The following VEPH1 variants were observed in gnomAD, a reference collection of about 807,000 sequenced individuals.
The protein encoded by VEPH1 is ventricular zone-expressed PH domain-containing protein homolog 1.
VEPH1 carries 80 observed loss-of-function variants against 85.2 expected under a neutral mutation model. The ratio of observed to expected loss-of-function variants is 0.94; its 90% confidence interval spans 0.78 to 1.13. VEPH1 has a LOEUF of 1.13. VEPH1 is among the 50% of genes most tolerant of loss of function. The pLI, the probability that VEPH1 is intolerant of heterozygous loss-of-function variation, is 0.00. For synonymous variants in VEPH1, 297 were observed against 348.0 expected (o/e 0.85, Z 1.63); for missense variants, 955 against 980.5 (o/e 0.97, Z 0.35).
rs1477990932 is a variant in VEPH1, at chr3:157,363,498, G to A, written c.1601C>T (p.Pro534Leu). The A allele has an allele frequency of 6.2e-7, 1 of 1,614,036 alleles. No homozygotes were observed. Among genetic ancestry groups the A allele is most frequent in the East Asian group, 2.2e-5 (1 of 44,876 alleles). ...TTCTATAGGACTTGCAGTTGTCTCTGGAGTTTCTTCCTGGGAGTTTTCTTT... is the reference window on the plus strand; with the variant it reads ...TTCTATAGGACTTGCAGTTGTCTCTAGAGTTTCTTCCTGGGAGTTTTCTTT... ...TVKENSQEET[P>L]ETTASPIEYQ... The change falls in exon 9 of 14, where the codon CCA becomes CTA. Residue 534 changes from proline to leucine, a missense_variant. Transcript: ENST00000362010.
chr3:157,406,769 T>G (rs1731170720), intron 6 of VEPH1, among the ~76,000 whole-genome samples: 2 of 142,566 alleles, frequency 1.4e-5, no homozygotes, highest in Non-Finnish European at 3.0e-5. Context: ...TAAAAAAAAT[T>G]TTAAAGCATC....
chr3:157,333,734 A>G (rs1343289553), intron 9 of VEPH1, among the ~76,000 whole-genome samples: 1 of 152,216 alleles, frequency 6.6e-6, no homozygotes. Flanking sequence ...GTACCATTCC[A>G]TGTGCTACCA....
chr3:157,274,194 G>A (rs1209792627), intron 12 of VEPH1, among the ~76,000 whole-genome samples: 2 of 152,226 alleles, frequency 1.3e-5, no homozygotes. Context: ...TGCCACAACA[G>A]TTGACAGTGG....
chr3:157,272,368 CTCTT>C (rs1207336052), intron 12 of VEPH1, among the ~76,000 whole-genome samples: 8 of 119,918 alleles, frequency 6.7e-5, no homozygotes, highest in African/African-American at 1.9e-4. Flanking sequence ...TTCTTTCTTT[CTCTT>C]TCTTTTCTTT....
chr3:157,347,528 A>G (rs1724361639), intron 9 of VEPH1, among the ~76,000 whole-genome samples: 1 of 152,206 alleles, frequency 6.6e-6, no homozygotes, highest in South Asian at 2.1e-4. Context: ...ACAGGAGAGG[A>G]CCACAGCAAT....
intron 12 of VEPH1, among the ~76,000 whole-genome samples, chr3:157,269,783 G>T (rs1714300022): frequency 6.6e-6 from 1 of 151,656 alleles, no homozygotes; most frequent in African/African-American, 2.4e-5. Flanking sequence ...GCTAAAACAA[G>T]AAACTATTTT....
At chr3:157,480,509 G>A (rs1187845345) in intron 2 of VEPH1, among the ~76,000 whole-genome samples, 1 of 151,754 alleles carries the variant, frequency 6.6e-6, no homozygotes, top group Non-Finnish European at 1.5e-5. Context: ...ACGTCTATTT[G>A]TACAAATGCT....
At chr3:157,482,590 A>G (rs1350575320) in intron 2 of VEPH1, among the ~76,000 whole-genome samples, 2 of 152,190 alleles carry the variant, frequency 1.3e-5, no homozygotes, top group East Asian at 1.9e-4. Flanking sequence ...GGCTATTTTC[A>G]TGATACTGAT....
chr3:157,485,625 T>C (rs1738548049), intron 2 of VEPH1, among the ~76,000 whole-genome samples: 2 of 151,604 alleles, frequency 1.3e-5, no homozygotes, highest in African/African-American at 4.8e-5. Context: ...AGTCAGAAAA[T>C]ACAACACAAA....
At chr3:157,469,043 T>C (rs1381463387) in intron 3 of VEPH1, among the ~76,000 whole-genome samples, 2 of 152,174 alleles carry the variant, frequency 1.3e-5, no homozygotes, top group Non-Finnish European at 2.9e-5. Flanking sequence ...TCTGTTAAAG[T>C]GCACATTGGA....
chr3:157,470,787 T>C (rs149206637), intron 2 of VEPH1, among the ~76,000 whole-genome samples: 1 of 152,300 alleles, frequency 6.6e-6, no homozygotes, highest in African/African-American at 2.4e-5. Flanking sequence ...ACACAGGCGC[T>C]TAACTATTCA....
At chr3:157,315,287 C>G (rs774268795) in intron 10 of VEPH1, among the ~76,000 whole-genome samples, 14 of 151,982 alleles carry the variant, frequency 9.2e-5, no homozygotes, top group African/African-American at 3.1e-4. Context: ...GATCTTAATG[C>G]TCAAGTTAGT....
rs1366645191 is a variant in VEPH1 at position 157,483,850 on chromosome 3, A to C, written c.138+11362T>G. ...CTAGAAGAGAGTATGTACTCAATAC[A>C]TATTTGTTGGATGCACAACTGAGTG... On this transcript the variant is annotated intron_variant, in intron 2 of 13. Coordinates refer to ENST00000362010, the MANE Select transcript of VEPH1 (RefSeq NM_001167912.2). 2.0e-5 allele frequency among the ~76,000 whole-genome samples: 3 copies of C among 152,216 alleles called. No homozygotes were observed. The East Asian group carries it at 5.8e-4, about 29-fold the overall frequency.
At chr3:157,281,482 T>A (rs550852174) in intron 12 of VEPH1, among the ~76,000 whole-genome samples, 1 of 152,208 alleles carries the variant, frequency 6.6e-6, no homozygotes, top group African/African-American at 2.4e-5. Flanking sequence ...ACACATGTGG[T>A]AGAAGAAAAG....
chr3:157,345,407 T>C (rs377150422), intron 9 of VEPH1, among the ~76,000 whole-genome samples: 1 of 152,200 alleles, frequency 6.6e-6, no homozygotes, highest in Admixed American at 6.5e-5. Flanking sequence ...GACATTTATG[T>C]AGCCAACAGA....
At chr3:157,276,334 G>T (rs1715381224) in intron 12 of VEPH1, among the ~76,000 whole-genome samples, 1 of 152,216 alleles carries the variant, frequency 6.6e-6, no homozygotes, top group African/African-American at 2.4e-5. Context: ...GAACTGTGTT[G>T]TGAGAACCAG....
At chr3:157,413,524 C>T (rs989275580) in intron 6 of VEPH1, 1 of 985,340 alleles carries the variant, frequency 1.0e-6, no homozygotes, top group Middle Eastern at 5.2e-4. Flanking sequence ...GTTGTTACTG[C>T]AAAGTGGTCT....
At position 157,363,437 on chromosome 3, in the gene VEPH1, G is replaced by GT. The variant is rs756863093; in HGVS notation, c.1661dup (p.Asn554LysfsTer20). On this transcript the variant is annotated frameshift_variant, in exon 9 of 14. Transcript: ENST00000362010. LOFTEE classifies it high-confidence loss of function. ...TGGCATATGCTTTCACTTTGCTGAG[G>GT]TTTTTTTTTAAGTGCAAGTAGAGCT... 507 of 1,604,414 alleles carry GT rather than the reference G, an allele frequency of 3.2e-4. No individual in the cohort carries two copies. The highest frequency in any genetic ancestry group is 3.8e-4 in the Non-Finnish European group (451 of 1,173,768).
chr3:157,421,879 T>C (rs2109079124), intron 5 of VEPH1, among the ~76,000 whole-genome samples: 1 of 152,266 alleles, frequency 6.6e-6, no homozygotes, highest in East Asian at 1.9e-4. Flanking sequence ...TCCATCCACA[T>C]CACTCTAGGT....
Sources: allele counts gnomAD v4.1 joint callset (sites outside exome capture counted in the v4.1 genomes callset), GRCh38; gene constraint gnomAD v4.1.1; transcripts MANE v1.5; gene names NCBI Gene and HGNC (gene_info 2026-07-23, HGNC 2026-07-21).